ZMAT4: variants seen among roughly 807,000 people sequenced by gnomAD.
The protein encoded by ZMAT4 is zinc finger matrin-type protein 4.
A neutral mutation model predicts 28.7 loss-of-function variants in ZMAT4; 17 were observed. That is an observed-to-expected ratio of 0.59 (90% CI 0.41 to 0.89). The LOEUF is 0.89. ZMAT4 is among the 40% of genes least tolerant of loss of function. ZMAT4 has a pLI of 0.00. For synonymous variants in ZMAT4, 117 were observed against 109.2 expected, an observed-to-expected ratio of 1.07 and a Z score of -0.44; for missense variants, 240 against 283.8, an observed-to-expected ratio of 0.85 and a Z score of 1.11.
rs16889847 is a variant in ZMAT4 at position 40,682,763 on chromosome 8, C to T, written c.350-7832G>A. Among the ~76,000 whole-genome samples, 504 of 152,240 alleles carry T rather than the reference C, an allele frequency of 3.3e-3. 1 individual carries two copies. The highest frequency in any genetic ancestry group is 0.011 in the African/African-American group (475 of 41,544). ...CTTTACCCACACTGCATTCATATAT[C>T]GTCAGTCTTCGTTAAGAGAGTATTC... On this transcript the variant is annotated intron_variant, in intron 4 of 6. Transcript: ENST00000297737.
chr8:40,729,372 G>T (rs1296536143), intron 3 of ZMAT4, among the ~76,000 whole-genome samples: 1 of 152,070 alleles, frequency 6.6e-6, no homozygotes, highest in Non-Finnish European at 1.5e-5. Flanking sequence ...AACTGTGGGG[G>T]TATTCATGCT....
At chr8:40,803,198 T>A (rs1463069640) in intron 2 of ZMAT4, among the ~76,000 whole-genome samples, 2 of 152,170 alleles carry the variant, frequency 1.3e-5, no homozygotes, top group Admixed American at 6.5e-5. Context: ...GTAGGCATGA[T>A]CTATAAAAGA....
intron 2 of ZMAT4, among the ~76,000 whole-genome samples, chr8:40,795,647 C>T (rs1435429967): frequency 6.6e-6 from 1 of 152,196 alleles, no homozygotes; most frequent in Admixed American, 6.5e-5. Context: ...AGGTCTGAGA[C>T]TCAGGAACTC....
intron 6 of ZMAT4, among the ~76,000 whole-genome samples, chr8:40,569,375 A>G (rs1804021123): frequency 1.3e-5 from 2 of 152,232 alleles, no homozygotes; most frequent in Non-Finnish European, 2.9e-5. Context: ...TCAAAATTCT[A>G]CTAAAGTTTT....
intron 5 of ZMAT4, among the ~76,000 whole-genome samples, chr8:40,594,764 G>A (rs186474405): frequency 2.0e-5 from 3 of 152,316 alleles, no homozygotes; most frequent in Admixed American, 2.0e-4. Flanking sequence ...CCTCAGGCAT[G>A]TTCAAATTAT....
rs542896726 is a variant in ZMAT4 at position 40,830,486 on chromosome 8, C to A, written c.-4-4806G>T. ...TTAAAATGGTGTCCTCTACCTCTAC[C>A]CTTATTGCTGCAAAGGACACTATTT... On this transcript the variant is annotated intron_variant, in intron 1 of 6. Coordinates refer to ENST00000297737, the MANE Select transcript of ZMAT4 (RefSeq NM_024645.3). Among the ~76,000 whole-genome samples, 3 of 152,238 alleles carry A rather than the reference C, an allele frequency of 2.0e-5. No homozygotes were observed. The East Asian group carries it at 5.8e-4, about 29-fold the overall frequency.
At chr8:40,643,790 A>C (rs1412783685) in intron 5 of ZMAT4, among the ~76,000 whole-genome samples, 1 of 3,060 alleles carries the variant, frequency 3.3e-4, no homozygotes, top group Admixed American at 1.5e-3. Flanking sequence ...GTGTGTGTGC[A>C]AAAAAAAAAA....
chr8:40,830,196 T>A (rs965316735), intron 1 of ZMAT4, among the ~76,000 whole-genome samples: 3 of 152,144 alleles, frequency 2.0e-5, no homozygotes, highest in Non-Finnish European at 4.4e-5. Flanking sequence ...TTTTAAATTT[T>A]TATTTTAGGT....
In ZMAT4 at chr8:40,581,181, A is replaced by T. The variant is rs1339923346; in HGVS notation, c.658T>A (p.Ser220Thr). 1.9e-6 allele frequency: 3 copies of T among 1,613,276 alleles called. No homozygotes were observed. The East Asian group carries it at 6.7e-5, about 36-fold the overall frequency. Residue 220 changes from serine to threonine, a missense_variant, in exon 6 of 7, where the codon TCT (serine) becomes ACT (threonine). Physicochemically the swap from Ser to Thr is moderately conservative, Grantham distance 58. Coordinates refer to ENST00000297737, the MANE Select transcript of ZMAT4 (RefSeq NM_024645.3). Reference protein sequence around the residue: ...IEQYHAHLKGSKHQTNLKNK With the variant: ...IEQYHAHLKGTKHQTNLKNK ...AGTACCTACTTGGTCTGGTGTTTAG[A>T]TCCTTTCAGATGGGCATGATACTGT...
rs143673980 is a variant in ZMAT4, at chr8:40,816,806, A to G, written c.102+8769T>C. Among the ~76,000 whole-genome samples, 588 of 152,360 alleles carry G rather than the reference A, an allele frequency of 3.9e-3. 8 individuals carry two copies. Among genetic ancestry groups the G allele is most frequent in the African/African-American group, 0.013 (555 of 41,588 alleles). ...TTGGTCAAGTTTTTCAAGAAAAAGA[A>G]GTCAGAATGCAACTGACCCATTAGC... is the stretch of plus-strand genomic sequence containing the variant. On this transcript the variant is annotated intron_variant, in intron 2 of 6. Transcript: ENST00000297737.
chr8:40,640,976 A>C (rs528734619), intron 5 of ZMAT4, among the ~76,000 whole-genome samples: 1 of 151,726 alleles, frequency 6.6e-6, no homozygotes, highest in South Asian at 2.1e-4. Flanking sequence ...AAAAAGAAAG[A>C]AAAAAGAAAA....
At chr8:40,742,465 A>G (rs1007138864) in intron 3 of ZMAT4, among the ~76,000 whole-genome samples, 10 of 151,932 alleles carry the variant, frequency 6.6e-5, no homozygotes, top group Non-Finnish European at 1.5e-4. Context: ...CCCACTGTTA[A>G]CAGTGATGTG....
intron 3 of ZMAT4, among the ~76,000 whole-genome samples, chr8:40,759,995 G>A (rs539127361): frequency 1.3e-5 from 2 of 151,980 alleles, no homozygotes; most frequent in African/African-American, 4.8e-5. Flanking sequence ...GCCCACTAAC[G>A]CAGCCTGACC....
At chr8:40,786,857 G>A (rs1814108880) in intron 2 of ZMAT4, 2 of 580,508 alleles carry the variant, frequency 3.4e-6, no homozygotes, top group South Asian at 1.7e-5. Context: ...GGCTGTTCTA[G>A]GCCCACAAAG....
intron 3 of ZMAT4, among the ~76,000 whole-genome samples, chr8:40,711,284 A>G (rs1810606442): frequency 1.3e-5 from 2 of 152,228 alleles, no homozygotes; most frequent in Admixed American, 6.5e-5. Flanking sequence ...TTATAAAATT[A>G]TTCCAATTAA....
intron 5 of ZMAT4, among the ~76,000 whole-genome samples, chr8:40,647,508 C>T (rs1276838012): frequency 6.6e-6 from 1 of 152,170 alleles, no homozygotes; most frequent in Non-Finnish European, 1.5e-5. Flanking sequence ...GAGGGGCGCC[C>T]ACCATTGCCC....
At chr8:40,871,786 C>T (rs1478909799) in intron 1 of ZMAT4, among the ~76,000 whole-genome samples, 1 of 152,198 alleles carries the variant, frequency 6.6e-6, no homozygotes, top group South Asian at 2.1e-4. Context: ...AAGTCTGTCT[C>T]TTCCACCACG....
intron 3 of ZMAT4, among the ~76,000 whole-genome samples, chr8:40,764,824 C>T (rs991367783): frequency 2.0e-5 from 3 of 151,928 alleles, no homozygotes; most frequent in South Asian, 2.1e-4. Flanking sequence ...TCTATACCTT[C>T]GATATTATTA....
At position 40,785,867 on chromosome 8, in the gene ZMAT4, A is replaced by G. The variant is rs537024401; in HGVS notation, c.103-18137T>C. Among the ~76,000 whole-genome samples the G allele has an allele frequency of 2.6e-5, 4 of 152,060 alleles. No homozygotes were observed. The East Asian group carries it at 7.7e-4, about 29-fold the overall frequency. On this transcript the variant is annotated intron_variant, in intron 2 of 6. Transcript: ENST00000297737. ...GCTAGATTTCAAATAAGCCTGGCCCACTTTTTTTTTACCTGCTAAATAATT... is the reference window on the plus strand; with the variant it reads ...GCTAGATTTCAAATAAGCCTGGCCCGCTTTTTTTTTACCTGCTAAATAATT...
Sources: allele counts gnomAD v4.1 joint callset (sites outside exome capture counted in the v4.1 genomes callset), GRCh38; gene constraint gnomAD v4.1.1; transcripts MANE v1.5; gene names NCBI Gene and HGNC (gene_info 2026-07-23, HGNC 2026-07-21).